RPS6KC1: variants seen among roughly 807,000 people sequenced by gnomAD.
RPS6KC1 encodes inactive ribosomal protein S6 kinase delta-1.
In RPS6KC1, 54 loss-of-function variants were observed where a neutral mutation model predicts 103.8. The ratio of observed to expected loss-of-function variants is 0.52; its 90% CI spans 0.42 to 0.65. The LOEUF (loss-of-function observed/expected upper bound fraction) is 0.65, where lower values mean the gene tolerates loss of function less well. Ranked by LOEUF, RPS6KC1 falls within the 30% of genes least tolerant of loss-of-function variation. RPS6KC1 has a pLI of 0.00. For missense variants in RPS6KC1, 1,151 were observed against 1,253.8 expected (o/e 0.92, Z 1.24); for synonymous variants, 439 against 438.7 (o/e 1.00, Z -0.01).
chr1:213,258,971 G>C (rs1337199809), intron 12 of RPS6KC1, among the ~76,000 whole-genome samples: 1 of 152,128 alleles, frequency 6.6e-6, no homozygotes, highest in Non-Finnish European at 1.5e-5. Flanking sequence ...GAATCCTTGA[G>C]TATCAAATCA....
In RPS6KC1 at chr1:213,260,292, CT is replaced by C. The variant is rs1213836247; in HGVS notation, c.2912-1264del. Among the ~76,000 whole-genome samples, 3 of 152,094 alleles carry C rather than the reference CT, an allele frequency of 2.0e-5. No homozygotes were observed. In the East Asian group the frequency reaches 5.8e-4, roughly 29 times the overall value. ...GGAAATTGTGATTTGGCATGAAGCA[CT>C]TCAGGAAGAGGGTGGGCTTGGGAAG... On this transcript the variant is annotated intron_variant, in intron 12 of 14. Transcript: ENST00000366960.
At chr1:213,712,541 G>A in the RPS6KC1 span, among the ~76,000 whole-genome samples, 5 of 152,120 alleles carry the variant, frequency 3.3e-5, no homozygotes, top group South Asian at 4.1e-4. Context: ...TCTTGCTTGC[G>A]TTCCAGGCAC....
the RPS6KC1 span, among the ~76,000 whole-genome samples, chr1:213,383,611 A>G: frequency 2.1e-3 from 315 of 152,300 alleles, 1 homozygote; most frequent in African/African-American, 7.2e-3. Flanking sequence ...AGCCTTCAGT[A>G]TGACTGTATT....
the RPS6KC1 span, among the ~76,000 whole-genome samples, chr1:213,746,428 G>T: frequency 6.6e-6 from 1 of 152,318 alleles, no homozygotes; most frequent in Admixed American, 6.5e-5. Context: ...GGAGGCCAGT[G>T]TGACTAAATC....
At chr1:213,686,644 G>C in the RPS6KC1 span, among the ~76,000 whole-genome samples, 11 of 152,226 alleles carry the variant, frequency 7.2e-5, no homozygotes, top group East Asian at 1.7e-3. Context: ...TCTCCCTAAG[G>C]GAGGTTCCAT....
the RPS6KC1 span, among the ~76,000 whole-genome samples, chr1:213,349,248 T>C: frequency 6.6e-6 from 1 of 152,302 alleles, no homozygotes. Flanking sequence ...ACTTTGAACA[T>C]AACCCAAAAA....
intron 5 of RPS6KC1, among the ~76,000 whole-genome samples, chr1:213,119,995 G>A (rs1310986242): frequency 3.3e-5 from 5 of 152,066 alleles, no homozygotes; most frequent in Admixed American, 3.3e-4. Flanking sequence ...GAGCTGTAAG[G>A]GTGACCCTTC....
intron 6 of RPS6KC1, among the ~76,000 whole-genome samples, chr1:213,137,904 G>A (rs1415384870): frequency 7.0e-6 from 1 of 143,796 alleles, no homozygotes; most frequent in Non-Finnish European, 1.5e-5. Context: ...TACAATAGGG[G>A]GCCCTGGGAG....
chr1:213,340,184 G>T, the RPS6KC1 span, among the ~76,000 whole-genome samples: 2 of 152,274 alleles, frequency 1.3e-5, no homozygotes, highest in South Asian at 4.1e-4. Flanking sequence ...CCTGGCTGAG[G>T]CTGCCTGTTT....
At chr1:213,352,342 G>T in the RPS6KC1 span, among the ~76,000 whole-genome samples, 3 of 152,220 alleles carry the variant, frequency 2.0e-5, no homozygotes, top group African/African-American at 4.8e-5. Context: ...TATTATAAAA[G>T]CTGTGTATCA....
the RPS6KC1 span, among the ~76,000 whole-genome samples, chr1:213,376,067 G>T: frequency 1.9e-4 from 28 of 149,868 alleles, no homozygotes; most frequent in Non-Finnish European, 3.2e-4. Context: ...TGTGTATAAT[G>T]GCTCTTCTCG....
At chr1:213,525,744 G>A in the RPS6KC1 span, among the ~76,000 whole-genome samples, 1 of 152,164 alleles carries the variant, frequency 6.6e-6, no homozygotes, top group African/African-American at 2.4e-5. Flanking sequence ...TGTCAGCCTT[G>A]GCAAATACAG....
the RPS6KC1 span, among the ~76,000 whole-genome samples, chr1:213,453,786 A>C: frequency 2.6e-5 from 4 of 152,240 alleles, no homozygotes; most frequent in Non-Finnish European, 5.9e-5. Flanking sequence ...TTGCCTAAGC[A>C]GTTGGTGGTA....
the RPS6KC1 span, among the ~76,000 whole-genome samples, chr1:213,397,697 C>T: frequency 6.6e-6 from 1 of 151,696 alleles, no homozygotes; most frequent in Non-Finnish European, 1.5e-5. Context: ...GAGGTCAAGG[C>T]AAAATGGTAG....
chr1:213,421,577 G>A, the RPS6KC1 span, among the ~76,000 whole-genome samples: 1 of 152,180 alleles, frequency 6.6e-6, no homozygotes, highest in Non-Finnish European at 1.5e-5. Context: ...TCTAACCCTG[G>A]GGCTCCAGGT....
At chr1:213,508,865 A>T in the RPS6KC1 span, among the ~76,000 whole-genome samples, 1 of 152,132 alleles carries the variant, frequency 6.6e-6, no homozygotes, top group Admixed American at 6.5e-5. Context: ...GATGCTGGAG[A>T]GAAAAGGGCA....
At chr1:213,143,515 T>A (rs866301775) in intron 6 of RPS6KC1, among the ~76,000 whole-genome samples, 17 of 152,122 alleles carry the variant, frequency 1.1e-4, no homozygotes, top group South Asian at 2.1e-4. Flanking sequence ...TATTTTTGAG[T>A]TAGAAGATTA....
At chr1:213,418,769 G>A in the RPS6KC1 span, among the ~76,000 whole-genome samples, 39 of 152,262 alleles carry the variant, frequency 2.6e-4, no homozygotes, top group Non-Finnish European at 4.9e-4. Flanking sequence ...GTCCTGTTCC[G>A]ACCCCAGGAG....
chr1:213,316,933 G>C, the RPS6KC1 span, among the ~76,000 whole-genome samples: 2,498 of 152,294 alleles, frequency 0.016, 88 homozygotes, highest in East Asian at 0.099. Context: ...CTGGGGCAGA[G>C]TGAGCCAAGG....
Sources: allele counts gnomAD v4.1 joint callset (sites outside exome capture counted in the v4.1 genomes callset), GRCh38; gene constraint gnomAD v4.1.1; transcripts MANE v1.5; gene names NCBI Gene and HGNC (gene_info 2026-07-23, HGNC 2026-07-21).